Variants in WIPI2 observed in about 807,000 individuals in gnomAD.
WIPI2 encodes the protein WD repeat domain phosphoinositide-interacting protein 2.
WIPI2 carries 28 observed loss-of-function variants against 52.3 expected under a neutral mutation model. The observed-to-expected ratio is 0.54, with a 90% confidence interval of 0.40 to 0.73. The LOEUF (loss-of-function observed/expected upper bound fraction) is 0.73, where lower values mean the gene tolerates loss of function less well. Among genes scored for constraint, WIPI2 ranks in the 30% least tolerant of loss-of-function variants. The pLI, the probability that WIPI2 is intolerant of heterozygous loss-of-function variation, is 0.00. For synonymous variants in WIPI2, 268 were observed against 245.0 expected (o/e 1.09, Z -0.88); for missense variants, 506 against 602.9 (o/e 0.84, Z 1.68).
intron 1 of WIPI2, 53 bp downstream of exon 1, chr7:5,190,546 G>A: frequency 2.1e-6 from 3 of 1,396,624 alleles, no homozygotes; most frequent in Non-Finnish European, 2.8e-6. Context: ...TCGGACCCGG[G>A]CTAGGGGGAG....
rs370740915 is a variant in WIPI2 at position 5,205,743 on chromosome 7, A to G, written c.211+6085A>G. On this transcript the variant is annotated intron_variant, in intron 3 of 12. Transcript: ENST00000288828. Reference sequence around the variant, plus strand: ...GGCTGGTGTTGAACTCCTGACCTCAAGTGATCCACCTGCCTCTGCCTCCCA... The same window carrying G: ...GGCTGGTGTTGAACTCCTGACCTCAGGTGATCCACCTGCCTCTGCCTCCCA... Among the ~76,000 whole-genome samples the G allele has an allele frequency of 1.8e-3, 280 of 151,988 alleles. 1 individual carries two copies. The highest frequency in any genetic ancestry group is 6.2e-3 in the African/African-American group (256 of 41,444).
intron 2 of WIPI2, among the ~76,000 whole-genome samples, chr7:5,197,227 C>T (rs1781799761): frequency 6.6e-6 from 1 of 150,682 alleles, no homozygotes; most frequent in Non-Finnish European, 1.5e-5. Flanking sequence ...AAGAACTTGT[C>T]ATCCCTTGTT....
chr7:5,198,182 A>G (rs1260268537), intron 2 of WIPI2, among the ~76,000 whole-genome samples: 1 of 152,178 alleles, frequency 6.6e-6, no homozygotes, highest in African/African-American at 2.4e-5. Flanking sequence ...TTTCGTTTCC[A>G]GCCCACTGCT....
chr7:5,217,032 T>A, intron 5 of WIPI2, 58 bp from the exon 6 acceptor site: 2 of 1,502,866 alleles, frequency 1.3e-6, no homozygotes, highest in African/African-American at 1.4e-5. Context: ...ATGTCTGACA[T>A]CCAAGAAGGA....
chr7:5,223,718 C>A (rs1295117987), intron 8 of WIPI2, among the ~76,000 whole-genome samples: 1 of 152,206 alleles, frequency 6.6e-6, no homozygotes, highest in Non-Finnish European at 1.5e-5. Context: ...CTGCTGGGCA[C>A]TGGGCACCTC....
chr7:5,224,301 C>CT (rs1468565307), intron 8 of WIPI2, among the ~76,000 whole-genome samples: 1 of 152,314 alleles, frequency 6.6e-6, no homozygotes, highest in Non-Finnish European at 1.5e-5. Context: ...TCGAGGAGGC[C>CT]TTTTTTTGAT....
Position 5,206,043 on chromosome 7 carries a change from T to A in WIPI2, c.211+6385T>A, listed in dbSNP as rs746433221. On this transcript the variant is annotated intron_variant, in intron 3 of 12. Transcript: ENST00000288828. ...CTTTTGACCTTGTTTATGATTCTTT[T>A]CACCATTCTGAAGTCTTGAATTTCT... Among the ~76,000 whole-genome samples the A allele has an allele frequency of 2.6e-4, 40 of 152,310 alleles. No individual in the cohort carries two copies. In the Middle Eastern group the frequency reaches 0.01, roughly 39 times the overall value.
At chr7:5,216,486 G>T in intron 4 of WIPI2, 77 bp from the exon 5 acceptor site, 1 of 1,134,398 alleles carries the variant, frequency 8.8e-7, no homozygotes, top group Non-Finnish European at 1.3e-6. Flanking sequence ...TAGTCCAGGA[G>T]TCAGTCAACT....
At chr7:5,208,425 T>TTG (rs1782396904) in intron 3 of WIPI2, among the ~76,000 whole-genome samples, 1 of 151,560 alleles carries the variant, frequency 6.6e-6, no homozygotes, top group African/African-American at 2.4e-5. Context: ...TATGTTGTTT[T>TTG]TTTTTTTCCT....
intron 7 of WIPI2, among the ~76,000 whole-genome samples, chr7:5,220,163 C>CTAG (rs1783038332): frequency 1.3e-5 from 2 of 151,648 alleles, no homozygotes; most frequent in South Asian, 4.2e-4. Flanking sequence ...TAGCTGTATA[C>CTAG]TATCCCATTG....
At chr7:5,220,409 A>G (rs1346753239) in intron 7 of WIPI2, among the ~76,000 whole-genome samples, 1 of 151,188 alleles carries the variant, frequency 6.6e-6, no homozygotes, top group Non-Finnish European at 1.5e-5. Context: ...CACCCAGCTA[A>G]TTTTTGTATT....
At chr7:5,191,485 AG>A (rs1013522659) in intron 1 of WIPI2, among the ~76,000 whole-genome samples, 3 of 152,200 alleles carry the variant, frequency 2.0e-5, no homozygotes, top group African/African-American at 7.2e-5. Flanking sequence ...GGTCATCCTC[AG>A]GGCAAGAGAA....
In WIPI2 at chr7:5,227,333, C is replaced by T; in HGVS notation, c.1002C>T (p.Cys334=). 1.9e-6 allele frequency: 3 copies of T among 1,613,450 alleles called. No homozygotes were observed. Among genetic ancestry groups the T allele is most frequent in the Non-Finnish European group, 2.5e-6 (3 of 1,180,016 alleles). The part of the protein sequence containing the change: ...RLPFCGHKNI[C]SLATIQKIPR... The stretch of plus-strand genomic sequence containing the variant: ...CATTCTGCGGCCACAAAAACATCTG[C>T]TCGCTAGCCACGTGAGTAGAGCCGG... The change falls in exon 10 of 13, where the codon TGC becomes TGT. Residue 334 remains cysteine, a synonymous_variant. Transcript: ENST00000288828. This position sits in a 1 kb window ranked among gnomAD's most constrained non-coding sequence, Gnocchi z 8.1.
rs1478808505 is a variant in WIPI2, at chr7:5,227,283, A to C, written c.952A>C (p.Arg318=). ...AGTGACAGAAATGTTCAACCAGGGCAGAGCCTTCGCCACGGTCCGCCTGCC... is the reference window on the plus strand; with the variant it reads ...AGTGACAGAAATGTTCAACCAGGGCCGAGCCTTCGCCACGGTCCGCCTGCC... ...SQVTEMFNQG[R]AFATVRLPFC... The change falls in exon 10 of 13, where the codon AGA becomes CGA. Residue 318 remains arginine, a synonymous_variant. Coordinates refer to ENST00000288828, the MANE Select transcript of WIPI2 (RefSeq NM_015610.4). The surrounding 1 kb of genome is among the most constrained non-coding windows in gnomAD (Gnocchi z 8.1). 9.9e-6 allele frequency: 16 copies of C among 1,613,464 alleles called. No homozygotes were observed. In the Admixed American group the frequency reaches 2.7e-4, roughly 27 times the overall value.
chr7:5,231,889 G>A lies in WIPI2; in HGVS notation c.*942G>A, dbSNP rs1288768089. 5 of 278,236 alleles carry A rather than the reference G, an allele frequency of 1.8e-5. No individual in the cohort carries two copies. The Admixed American group carries it at 2.1e-4, about 12-fold the overall frequency. 17.2% of individuals were successfully genotyped at this position (278,236 alleles called of 1,614,324 possible). On this transcript the variant is annotated 3_prime_UTR_variant, in exon 13 of 13. Coordinates refer to ENST00000288828, the MANE Select transcript of WIPI2 (RefSeq NM_015610.4). The stretch of plus-strand genomic sequence containing the variant: ...CTTCCTACCTGTGTGAGAGGTCGTA[G>A]CGGGAGACAGCAACAGAGAGTAGGC...
Position 5,193,169 on chromosome 7 carries a change from C to G in WIPI2, c.126C>G (p.Val42=). The change falls in exon 2 of 13, where the codon GTC becomes GTG. Residue 42 remains valine, a splice_region_variant and synonymous_variant. Coordinates refer to ENST00000288828, the MANE Select transcript of WIPI2 (RefSeq NM_015610.4). ...CTGGTCTTGGCCGTCGCGCTGTTGT[C>G]TGGTTAGTTCCAACCCTGGTTTCTG... The part of the protein sequence containing the change: ...RAAGLGRRAV[V]WSLAVGSKSG... The G allele has an allele frequency of 6.2e-7, 1 of 1,613,430 alleles. No homozygotes were observed. Among genetic ancestry groups the G allele is most frequent in the African/African-American group, 1.3e-5 (1 of 75,018 alleles).
rs919147229 is a variant in WIPI2 at position 5,230,215 on chromosome 7, C to T, written c.1252+477C>T. The stretch of plus-strand genomic sequence containing the variant: ...GGGTTTTGCCTCAGTCTTTTCCCTC[C>T]CACCTTTTTCGTCCTTCAGCAAATC... On this transcript the variant is annotated intron_variant, in intron 12 of 12. Coordinates refer to ENST00000288828, the MANE Select transcript of WIPI2 (RefSeq NM_015610.4). This position sits in a 1 kb window ranked among gnomAD's most constrained non-coding sequence, Gnocchi z 4.8. Among the ~76,000 whole-genome samples the T allele has an allele frequency of 3.7e-4, 56 of 152,298 alleles. No individual in the cohort carries two copies. Among genetic ancestry groups the T allele is most frequent in the African/African-American group, 1.3e-3 (56 of 41,570 alleles).
At position 5,231,355 on chromosome 7, in the gene WIPI2, C is replaced by T. The variant is rs73676547; in HGVS notation, c.*408C>T. 1,773 of 158,796 alleles carry T rather than the reference C, an allele frequency of 0.011. 27 individuals are homozygous for T. The highest frequency in any genetic ancestry group is 0.041 in the African/African-American group (1,712 of 41,674). 9.8% of individuals were successfully genotyped at this position (158,796 alleles called of 1,614,324 possible). A position where few individuals can be genotyped will look rare whatever the true frequency, so the allele number is the denominator to read the frequency against. On this transcript the variant is annotated 3_prime_UTR_variant, in exon 13 of 13. Transcript: ENST00000288828. ...AGTGCGTAAGGAAACCGTGGCGTCG[C>T]GCACAGTGGGTCTGCTTGTCAAGGC... is the stretch of plus-strand genomic sequence containing the variant.
At chr7:5,200,827 TCCTGTTGCTGC>T (rs1781989515) in intron 3 of WIPI2, among the ~76,000 whole-genome samples, 1 of 152,180 alleles carries the variant, frequency 6.6e-6, no homozygotes, top group South Asian at 2.1e-4. Context: ...GCAGTGTCTT[TCCTGTTGCTGC>T]CCCCAAGAGC....
Sources: gnomAD v4.1 joint callset for allele counts (sites outside exome capture counted in the v4.1 genomes callset) on GRCh38, gnomAD v4.1.1 for gene constraint, Gnocchi (gnomAD v3.1) non-coding constraint, MANE v1.5 for transcripts, NCBI Gene and HGNC (gene_info 2026-07-23, HGNC 2026-07-21) for gene names.